Variants in MECOM observed in about 807,000 individuals in gnomAD.
The protein encoded by MECOM is histone-lysine N-methyltransferase MECOM.
In MECOM, 13 loss-of-function variants were observed where a neutral mutation model predicts 116.3. That is an observed-to-expected ratio of 0.11 (90% CI 0.07 to 0.18). The LOEUF (loss-of-function observed/expected upper bound fraction) is 0.18, where lower values mean the gene tolerates loss of function less well. Among genes scored for constraint, MECOM ranks in the 10% least tolerant of loss-of-function variants. MECOM has a pLI of 1.00. For synonymous variants in MECOM, 528 were observed against 535.2 expected, an observed-to-expected ratio of 0.99 and a Z score of 0.19; for missense variants, 1,299 against 1,509.0, an observed-to-expected ratio of 0.86 and a Z score of 2.31.
chr3:169,371,996 T>C (rs1196322448), intron 2 of MECOM, among the ~76,000 whole-genome samples: 1 of 152,076 alleles, frequency 6.6e-6, no homozygotes, highest in African/African-American at 2.4e-5. Flanking sequence ...ATATCACATT[T>C]TAGGATTACA....
chr3:169,433,695 G>GAAAGAAAGAA (rs1742148266), intron 1 of MECOM, among the ~76,000 whole-genome samples: 2 of 150,198 alleles, frequency 1.3e-5, no homozygotes, highest in African/African-American at 4.9e-5. Flanking sequence ...GAAAGAGAAA[G>GAAAGAAAGAA]AAAGAAAAGA....
intron 2 of MECOM, among the ~76,000 whole-genome samples, chr3:169,275,653 C>T (rs1336085664): frequency 1.3e-5 from 2 of 152,072 alleles, no homozygotes; most frequent in African/African-American, 4.8e-5. Flanking sequence ...TGTGTGCCTC[C>T]ATGCTCACAG....
chr3:169,622,800 T>C (rs1770914058), intron 1 of MECOM, among the ~76,000 whole-genome samples: 1 of 152,144 alleles, frequency 6.6e-6, no homozygotes, highest in African/African-American at 2.4e-5. Flanking sequence ...GATAGTATAA[T>C]ATAGTGGTTA....
chr3:169,428,252 A>C (rs553128729), intron 1 of MECOM, among the ~76,000 whole-genome samples: 1 of 152,152 alleles, frequency 6.6e-6, no homozygotes, highest in Non-Finnish European at 1.5e-5. Context: ...GTGGTCCCCA[A>C]CCTTTTGTAA....
chr3:169,652,745 T>A (rs956014800), intron 1 of MECOM, among the ~76,000 whole-genome samples: 7 of 152,184 alleles, frequency 4.6e-5, no homozygotes, highest in African/African-American at 1.7e-4. Flanking sequence ...TTGAAAGAAA[T>A]CTTTAATCAT....
chr3:169,189,897 G>A (rs1577298768), intron 2 of MECOM, among the ~76,000 whole-genome samples: 1 of 151,992 alleles, frequency 6.6e-6, no homozygotes, highest in South Asian at 2.1e-4. Flanking sequence ...CTTCTGCATA[G>A]GAAACAAATT....
At chr3:169,085,315 A>C (rs1717318494) in intron 16 of MECOM, among the ~76,000 whole-genome samples, 1 of 152,200 alleles carries the variant, frequency 6.6e-6, no homozygotes, top group African/African-American at 2.4e-5. Flanking sequence ...GAGAAAAATG[A>C]GTCAGTCTCC....
At chr3:169,200,271 G>C (rs781516582) in intron 2 of MECOM, among the ~76,000 whole-genome samples, 2 of 152,102 alleles carry the variant, frequency 1.3e-5, no homozygotes, top group Middle Eastern at 3.4e-3. Flanking sequence ...GAATGGACTT[G>C]GTTCATATTC....
At chr3:169,335,054 A>G (rs1723372474) in intron 2 of MECOM, among the ~76,000 whole-genome samples, 1 of 152,180 alleles carries the variant, frequency 6.6e-6, no homozygotes, top group Non-Finnish European at 1.5e-5. Flanking sequence ...CCACTGGTTT[A>G]TACAAAACGC....
chr3:169,353,418 T>A (rs13324155), intron 2 of MECOM, among the ~76,000 whole-genome samples: 1,869 of 152,002 alleles, frequency 0.012, 40 homozygotes, highest in African/African-American at 0.043. Flanking sequence ...ACTGAGGAAT[T>A]TAAATTCTGA....
intron 2 of MECOM, among the ~76,000 whole-genome samples, chr3:169,264,929 G>A (rs1270619281): frequency 6.6e-6 from 1 of 152,086 alleles, no homozygotes; most frequent in Non-Finnish European, 1.5e-5. Context: ...CCTGGCTGGG[G>A]ACTGTGCTCA....
intron 2 of MECOM, among the ~76,000 whole-genome samples, chr3:169,240,867 G>C (rs1447997187): frequency 2.0e-5 from 3 of 152,130 alleles, no homozygotes; most frequent in African/African-American, 7.2e-5. Flanking sequence ...TGTACACTTA[G>C]CTAATGCTTT....
chr3:169,510,759 T>C (rs1755864849), intron 1 of MECOM, among the ~76,000 whole-genome samples: 1 of 152,192 alleles, frequency 6.6e-6, no homozygotes, highest in East Asian at 1.9e-4. Flanking sequence ...GTGTGGTCAC[T>C]GGAATATCTA....
chr3:169,204,463 T>C (rs1749635032), intron 2 of MECOM, among the ~76,000 whole-genome samples: 1 of 152,186 alleles, frequency 6.6e-6, no homozygotes, highest in Admixed American at 6.6e-5. Context: ...CAATAGTTTA[T>C]CATCATTGTT....
intron 1 of MECOM, among the ~76,000 whole-genome samples, chr3:169,544,615 C>T (rs1760490046): frequency 6.6e-6 from 1 of 152,150 alleles, no homozygotes; most frequent in African/African-American, 2.4e-5. Flanking sequence ...GACGTGGAAC[C>T]AACCCAAATT....
intron 2 of MECOM, among the ~76,000 whole-genome samples, chr3:169,244,381 G>C (rs994406362): frequency 1.3e-5 from 2 of 152,130 alleles, no homozygotes; most frequent in Non-Finnish European, 2.9e-5. Flanking sequence ...GCTACAGTTG[G>C]CTTAACATCT....
intron 1 of MECOM, among the ~76,000 whole-genome samples, chr3:169,500,277 A>G (rs1754371921): frequency 6.6e-6 from 1 of 152,036 alleles, no homozygotes; most frequent in African/African-American, 2.4e-5. Context: ...CTTCCATGAG[A>G]GCAGTGGATT....
At chr3:169,444,099 C>T (rs1184272171) in intron 1 of MECOM, among the ~76,000 whole-genome samples, 1 of 152,152 alleles carries the variant, frequency 6.6e-6, no homozygotes. Flanking sequence ...CCTGTCTTTC[C>T]TACCGTCTAC....
intron 1 of MECOM, among the ~76,000 whole-genome samples, chr3:169,630,047 G>C (rs1379031262): frequency 2.0e-5 from 3 of 152,180 alleles, no homozygotes. Context: ...CTCCCAGCAT[G>C]ATGGGCAGAT....
Sources: gnomAD v4.1 joint callset for allele counts (sites outside exome capture counted in the v4.1 genomes callset) on GRCh38, gnomAD v4.1.1 for gene constraint, MANE v1.5 for transcripts, NCBI Gene and HGNC (gene_info 2026-07-23, HGNC 2026-07-21) for gene names.